Variants in EVL observed in about 807,000 individuals in gnomAD.
EVL encodes ena/VASP-like protein.
EVL carries 21 observed loss-of-function variants against 59.6 expected under a neutral mutation model. The observed-to-expected ratio is 0.35, with a 90% CI of 0.25 to 0.51. The LOEUF is 0.51. Among genes scored for constraint, EVL ranks in the 20% least tolerant of loss-of-function variants. EVL has a pLI of 0.97. For synonymous variants in EVL, 198 were observed against 203.5 expected (o/e 0.97, Z 0.23); for missense variants, 462 against 546.6 (o/e 0.85, Z 1.54).
At position 100,137,673 on chromosome 14, in the gene EVL, C is replaced by T. The variant is rs373080198; in HGVS notation, c.1031+29C>T. On this transcript the variant is annotated intron_variant, in intron 10 of 13. Transcript: ENST00000392920. ...AGCTGCCCCAGGAAGGCCTGAGCAG[C>T]GAGGCTGGTGGGGCAGAGGCGGGCG... The T allele has an allele frequency of 7.6e-5, 122 of 1,613,952 alleles. No homozygotes were observed. Among genetic ancestry groups the T allele is most frequent in the Non-Finnish European group, 9.5e-5 (112 of 1,179,954 alleles).
intron 7 of EVL, among the ~76,000 whole-genome samples, chr14:100,131,551 C>G (rs893567570): frequency 6.6e-6 from 1 of 152,202 alleles, no homozygotes; most frequent in Admixed American, 6.5e-5. Context: ...AGCTCCTGTT[C>G]AGCAGCACTT....
At chr14:100,131,696 ACT>A (rs1888446078) in intron 7 of EVL, among the ~76,000 whole-genome samples, 1 of 152,088 alleles carries the variant, frequency 6.6e-6, no homozygotes, top group Admixed American at 6.6e-5. Flanking sequence ...CAGTTAGGAG[ACT>A]CTGACAGTCC....
chr14:100,113,922 G>T (rs1003445069), intron 3 of EVL, among the ~76,000 whole-genome samples: 2 of 152,184 alleles, frequency 1.3e-5, no homozygotes, highest in South Asian at 4.1e-4. Context: ...ACATGGACCA[G>T]TGGAGAACCA....
intron 2 of EVL, among the ~76,000 whole-genome samples, chr14:100,094,523 C>T (rs1885668111): frequency 6.6e-6 from 1 of 151,758 alleles, no homozygotes; most frequent in Admixed American, 6.6e-5. Flanking sequence ...GGGAGCATTA[C>T]TTGAGGTCAG....
intron 1 of EVL, among the ~76,000 whole-genome samples, chr14:100,040,981 G>A (rs1052175595): frequency 1.3e-5 from 2 of 152,134 alleles, no homozygotes; most frequent in Non-Finnish European, 1.5e-5. Context: ...ATGCTAATCT[G>A]CCATGTTGAA....
At chr14:100,065,630 A>G (rs2061914662) in intron 1 of EVL, 119 bp downstream of exon 1, 3 of 490,126 alleles carry the variant, frequency 6.1e-6, no homozygotes, top group Non-Finnish European at 1.0e-5. Context: ...CGAGAAGTCC[A>G]TGACCAGAGG....
chr14:100,099,666 A>G (rs1400465158), intron 3 of EVL, among the ~76,000 whole-genome samples: 2 of 151,572 alleles, frequency 1.3e-5, no homozygotes, highest in African/African-American at 4.8e-5. Flanking sequence ...AAGAGCCATG[A>G]GGTGAATTTA....
chr14:100,104,222 G>A (rs1886415993), intron 3 of EVL, among the ~76,000 whole-genome samples: 1 of 152,200 alleles, frequency 6.6e-6, no homozygotes, highest in African/African-American at 2.4e-5. Context: ...AGCAGCCCCA[G>A]GGGACTTGAC....
chr14:100,104,016 T>C (rs1032864159), intron 3 of EVL, among the ~76,000 whole-genome samples: 5 of 152,236 alleles, frequency 3.3e-5, no homozygotes, highest in Non-Finnish European at 5.9e-5. Context: ...TTGATCTCCC[T>C]GTGCCCCAGT....
chr14:100,065,981 CACTTGAGAG>C (rs937458437), intron 1 of EVL, among the ~76,000 whole-genome samples: 2 of 152,182 alleles, frequency 1.3e-5, no homozygotes, highest in East Asian at 3.8e-4. Context: ...CCTGACCCTC[CACTTGAGAG>C]ACTTGTGGAC....
upstream of EVL, among the ~76,000 whole-genome samples, chr14:100,061,647 TA>T (rs1045987104): frequency 2.6e-5 from 4 of 152,070 alleles, no homozygotes; most frequent in Non-Finnish European, 5.9e-5. Context: ...AAAATCCACC[TA>T]AACTTTTGCA....
At chr14:100,019,673 A>G (rs1275170801) in intron 1 of EVL, 1 of 1,533,684 alleles carries the variant, frequency 6.5e-7, no homozygotes, top group Non-Finnish European at 8.7e-7. Flanking sequence ...TCATGTTTGC[A>G]TTTGAAGAAT....
intron 9 of EVL, among the ~76,000 whole-genome samples, chr14:100,136,403 T>G (rs954832882): frequency 1.3e-5 from 2 of 152,118 alleles, no homozygotes; most frequent in Non-Finnish European, 2.9e-5. Context: ...TAGATCTCGC[T>G]CCACCCAAAA....
Position 100,144,017 on chromosome 14 carries a change from C to T in EVL, c.*279C>T, listed in dbSNP as rs967423825. On this transcript the variant is annotated 3_prime_UTR_variant, in exon 14 of 14. Transcript: ENST00000392920. ...GTACATTTCTTTGGGTTTCTAGAGA[C>T]GCCCCTAAGTCACCTGCTTCATTAG... 4.3e-5 allele frequency: 21 copies of T among 486,832 alleles called. No individual in the cohort carries two copies. Among genetic ancestry groups the T allele is most frequent in the Admixed American group, 1.5e-4 (4 of 27,208 alleles). The allele number at this position is 486,832 out of a possible 1,614,324, so 30.2% of individuals were successfully genotyped here.
chr14:100,127,455 C>T lies in EVL; in HGVS notation c.487+684C>T, dbSNP rs1005021158. ...CCACTGGTTACAGGAACGCTCTGCT[C>T]GTGAGATGCTGGCTGACCCCATCAC... On this transcript the variant is annotated intron_variant, in intron 5 of 13. Transcript: ENST00000392920. The surrounding 1 kb of genome is among the most constrained non-coding windows in gnomAD (Gnocchi z 4.2). 2.6e-5 allele frequency among the ~76,000 whole-genome samples: 4 copies of T among 152,160 alleles called. No homozygotes were observed. The highest frequency in any genetic ancestry group is 9.7e-5 in the African/African-American group (4 of 41,428).
At chr14:100,056,101 C>CTGAGCATACTTACTGA (rs2061728646) in intron 1 of EVL, among the ~76,000 whole-genome samples, 2 of 151,814 alleles carry the variant, frequency 1.3e-5, no homozygotes, top group Admixed American at 6.6e-5. Flanking sequence ...TGAGCCACCG[C>CTGAGCATACTTACTGA]GCCTGGCCCA....
chr14:100,141,050 G>C (rs1889133480), intron 11 of EVL, 130 bp from the exon 12 acceptor site: 2 of 776,378 alleles, frequency 2.6e-6, no homozygotes, highest in African/African-American at 1.8e-5. Flanking sequence ...GAGGTGGCCA[G>C]AGTCTGAAGC....
chr14:100,136,702 C>T (rs150210350), intron 9 of EVL, among the ~76,000 whole-genome samples: 57 of 152,266 alleles, frequency 3.7e-4, no homozygotes, highest in African/African-American at 1.3e-3. Flanking sequence ...TGAAACTGCA[C>T]GCCATGTCCT....
At chr14:99,991,469 T>C (rs1385304269) in intron 1 of EVL, among the ~76,000 whole-genome samples, 1 of 152,256 alleles carries the variant, frequency 6.6e-6, no homozygotes, top group Non-Finnish European at 1.5e-5. Context: ...AATGAATCTT[T>C]GGCCAACAAC....
Sources: allele counts gnomAD v4.1 joint callset (sites outside exome capture counted in the v4.1 genomes callset), GRCh38; gene constraint gnomAD v4.1.1; non-coding constraint Gnocchi (gnomAD v3.1); transcripts MANE v1.5; gene names NCBI Gene and HGNC (gene_info 2026-07-23, HGNC 2026-07-21).